M1AP: variants seen among roughly 807,000 people sequenced by gnomAD.
The protein encoded by M1AP is meiosis 1 arrest protein.
In M1AP, 39 loss-of-function variants were observed where a neutral mutation model predicts 51.2. That is an observed-to-expected ratio of 0.76 (90% CI 0.59 to 1.00). The LOEUF is 1.00. Among genes scored for constraint, M1AP ranks in the 50% least tolerant of loss-of-function variants. M1AP has a pLI of 0.00. For missense variants in M1AP, 545 were observed against 641.2 expected, an observed-to-expected ratio of 0.85 and a Z score of 1.62; for synonymous variants, 251 against 249.2, an observed-to-expected ratio of 1.01 and a Z score of -0.07.
At chr2:74,562,665 G>T (rs1678107327) in intron 7 of M1AP, among the ~76,000 whole-genome samples, 1 of 152,190 alleles carries the variant, frequency 6.6e-6, no homozygotes, top group African/African-American at 2.4e-5. Context: ...GGAGAGAAAA[G>T]TTAAGAAATT....
At chr2:74,598,344 C>T (rs1443431396) in intron 4 of M1AP, among the ~76,000 whole-genome samples, 2 of 151,702 alleles carry the variant, frequency 1.3e-5, no homozygotes, top group African/African-American at 4.9e-5. Context: ...ACTGCGCCAC[C>T]GCACTCCAGC....
At chr2:74,623,623 A>G (rs1682201141) in intron 2 of M1AP, among the ~76,000 whole-genome samples, 1 of 152,166 alleles carries the variant, frequency 6.6e-6, no homozygotes, top group Non-Finnish European at 1.5e-5. Context: ...AGGCAAATCT[A>G]ATGTGCAGCT....
chr2:74,614,208 C>T (rs1475935065), intron 3 of M1AP, among the ~76,000 whole-genome samples: 1 of 152,148 alleles, frequency 6.6e-6, no homozygotes, highest in Non-Finnish European at 1.5e-5. Flanking sequence ...TCTGTATTTG[C>T]CTGGTTGTCT....
intron 8 of M1AP, 27 bp downstream of exon 8, chr2:74,562,190 G>A (rs1324126516): frequency 3.2e-6 from 5 of 1,586,956 alleles, no homozygotes; most frequent in Admixed American, 3.4e-5. Flanking sequence ...TTCTAGATCT[G>A]TCCCATGAGA....
At chr2:74,576,739 G>T in intron 5 of M1AP, 121 bp from the exon 6 acceptor site, 1 of 1,284,496 alleles carries the variant, frequency 7.8e-7, no homozygotes, top group Non-Finnish European at 1.1e-6. Flanking sequence ...ATCTCTACCA[G>T]GCAAGCAAGG....
At chr2:74,560,956 G>C (rs556871451) in intron 8 of M1AP, among the ~76,000 whole-genome samples, 1 of 152,166 alleles carries the variant, frequency 6.6e-6, no homozygotes, top group South Asian at 2.1e-4. Flanking sequence ...CCTACCCAGA[G>C]CCAGCCCTCC....
chr2:74,621,945 TAAA>T (rs753660707), intron 2 of M1AP, among the ~76,000 whole-genome samples: 2 of 122,860 alleles, frequency 1.6e-5, no homozygotes, highest in Non-Finnish European at 3.5e-5. Context: ...CCACATCTAC[TAAA>T]AAAAAAAAAA....
chr2:74,607,540 C>T (rs1340923817), intron 3 of M1AP, among the ~76,000 whole-genome samples: 1 of 152,168 alleles, frequency 6.6e-6, no homozygotes, highest in Non-Finnish European at 1.5e-5. Flanking sequence ...ATGGTGCAAT[C>T]TTGGCTCACT....
At position 74,642,275 on chromosome 2, in the gene M1AP, CA is replaced by C. The variant is rs144241741; in HGVS notation, c.-52-1949del. On this transcript the variant is annotated intron_variant, in intron 1 of 10. Coordinates refer to ENST00000421985, the MANE Select transcript of M1AP (RefSeq NM_001321739.2). ...TAGAGAAATTGAAACTAATAATATA[CA>C]AAAAAAAACAGCATGACCAAGTTGA... Among the ~76,000 whole-genome samples the C allele has an allele frequency of 4.1e-3, 613 of 149,390 alleles. 2 individuals carry two copies. Among genetic ancestry groups the C allele is most frequent in the African/African-American group, 0.014 (576 of 40,838 alleles).
Position 74,562,349 on chromosome 2 carries a change from G to C in M1AP, c.1149C>G (p.Thr383=), listed in dbSNP as rs1169863219. 1 of 1,614,246 alleles carries C rather than the reference G, an allele frequency of 6.2e-7. No individual in the cohort carries two copies. Among genetic ancestry groups the C allele is most frequent in the Non-Finnish European group, 8.5e-7 (1 of 1,180,040 alleles). ...AGTGTGACGGCATGATCACATAGAAGGTGCTGGCAGGAATTCTCTGGCTGT... is the reference window on the plus strand; with the variant it reads ...AGTGTGACGGCATGATCACATAGAACGTGCTGGCAGGAATTCTCTGGCTGT... ...PGHSQRIPAS[T]FYVIMPSHSL... The change falls in exon 8 of 11, where the codon ACC becomes ACG. Residue 383 remains threonine, a synonymous_variant. Transcript: ENST00000421985.
At chr2:74,605,424 A>C (rs964002732) in intron 4 of M1AP, among the ~76,000 whole-genome samples, 2 of 152,164 alleles carry the variant, frequency 1.3e-5, no homozygotes, top group Non-Finnish European at 2.9e-5. Flanking sequence ...CTCTTTCTTA[A>C]GATGTCATTG....
In M1AP at chr2:74,602,206, G is replaced by A. The variant is rs1680717026; in HGVS notation, c.595+4849C>T. ...CCCCAATCACTCACACAAATCATTT[G>A]TTTTTTTTTCAATCATTCATTTGTT... is the stretch of plus-strand genomic sequence containing the variant. On this transcript the variant is annotated intron_variant, in intron 4 of 10. Transcript: ENST00000421985. 1.3e-5 allele frequency among the ~76,000 whole-genome samples: 2 copies of A among 149,912 alleles called. 1 individual carries two copies.
In M1AP at chr2:74,602,745, C is replaced by T. The variant is rs563113198; in HGVS notation, c.595+4310G>A. 2.0e-5 allele frequency among the ~76,000 whole-genome samples: 3 copies of T among 152,310 alleles called. No homozygotes were observed. The South Asian group carries it at 6.2e-4, about 32-fold the overall frequency. On this transcript the variant is annotated intron_variant, in intron 4 of 10. Transcript: ENST00000421985. ...GATTTTGAGCAATGAGTCATATACA[C>T]TTAACCCACAAAGAGGAATTACAAG...
At chr2:74,570,410 G>C (rs910622204) in intron 7 of M1AP, among the ~76,000 whole-genome samples, 15 of 152,234 alleles carry the variant, frequency 9.9e-5, no homozygotes, top group African/African-American at 3.4e-4. Flanking sequence ...GGTTAGTAAA[G>C]TGGGGAAGCG....
At chr2:74,623,648 TTTAAC>T (rs1367215124) in intron 2 of M1AP, among the ~76,000 whole-genome samples, 2 of 152,186 alleles carry the variant, frequency 1.3e-5, no homozygotes, top group African/African-American at 4.8e-5. Flanking sequence ...TTGAAACTGG[TTTAAC>T]TTATGTTTTA....
intron 3 of M1AP, among the ~76,000 whole-genome samples, chr2:74,613,453 T>C (rs763790631): frequency 4.6e-5 from 7 of 152,242 alleles, no homozygotes; most frequent in Non-Finnish European, 1.0e-4. Context: ...AGTGAACTTA[T>C]GCCTCTGGAC....
chr2:74,616,082 G>A (rs363694), intron 2 of M1AP, among the ~76,000 whole-genome samples: 4,888 of 152,278 alleles, frequency 0.032, 119 homozygotes, highest in Non-Finnish European at 0.049. Flanking sequence ...TCTTTGGGGT[G>A]AAAACACAAG....
intron 4 of M1AP, among the ~76,000 whole-genome samples, chr2:74,604,459 A>G (rs542962316): frequency 2.0e-5 from 3 of 152,352 alleles, no homozygotes; most frequent in South Asian, 4.1e-4. Flanking sequence ...AGATTCTCAT[A>G]TAAGGAGTGC....
chr2:74,646,659 T>G (rs1481365913), intron 1 of M1AP, among the ~76,000 whole-genome samples: 1 of 152,212 alleles, frequency 6.6e-6, no homozygotes, highest in Non-Finnish European at 1.5e-5. Flanking sequence ...AGTTTTACTA[T>G]GAGAGTTTTT....
Sources: gnomAD v4.1 joint callset for allele counts (sites outside exome capture counted in the v4.1 genomes callset) on GRCh38, gnomAD v4.1.1 for gene constraint, MANE v1.5 for transcripts, NCBI Gene and HGNC (gene_info 2026-07-23, HGNC 2026-07-21) for gene names.